The following NTM variants were observed in gnomAD, a reference collection of about 807,000 sequenced individuals.
NTM encodes the protein IgLON family member 2.
In NTM, 13 loss-of-function variants were observed where a neutral mutation model predicts 42.1. That is an observed-to-expected ratio of 0.31 (90% CI 0.20 to 0.49). The LOEUF is 0.49. Among genes scored for constraint, NTM ranks in the 20% least tolerant of loss-of-function variants. The pLI is 0.99. For synonymous variants in NTM, 187 were observed against 179.2 expected, an observed-to-expected ratio of 1.04 and a Z score of -0.35; for missense variants, 373 against 452.8, an observed-to-expected ratio of 0.82 and a Z score of 1.60.
At chr11:132,114,775 A>G (rs1184720844) in intron 2 of NTM, among the ~76,000 whole-genome samples, 2 of 152,218 alleles carry the variant, frequency 1.3e-5, no homozygotes, top group Non-Finnish European at 2.9e-5. Context: ...TCCAGGTCAC[A>G]CAGTATCACG....
chr11:131,560,257 T>C (rs1184624129), intron 1 of NTM, among the ~76,000 whole-genome samples: 1 of 152,170 alleles, frequency 6.6e-6, no homozygotes, highest in Non-Finnish European at 1.5e-5. Flanking sequence ...TTTTCCAGCT[T>C]TCTACATGGA....
At chr11:131,938,628 A>G (rs914819850) in intron 2 of NTM, among the ~76,000 whole-genome samples, 8 of 152,192 alleles carry the variant, frequency 5.3e-5, no homozygotes, top group Non-Finnish European at 8.8e-5. Flanking sequence ...TGGCTAGTCT[A>G]TGTATGATGC....
chr11:131,520,535 A>T (rs942551283), intron 1 of NTM, among the ~76,000 whole-genome samples: 4 of 152,252 alleles, frequency 2.6e-5, no homozygotes, highest in Middle Eastern at 3.4e-3. Flanking sequence ...ATAGCCACGC[A>T]ATTTGATTTA....
At chr11:131,990,284 C>G (rs1369532583) in intron 2 of NTM, among the ~76,000 whole-genome samples, 6 of 152,076 alleles carry the variant, frequency 3.9e-5, no homozygotes, top group Admixed American at 2.6e-4. Context: ...TGTGGCCATG[C>G]TGCATATGTA....
rs370303812 is a variant in NTM at position 131,641,593 on chromosome 11, G to T, written c.83-269971G>T. On this transcript the variant is annotated intron_variant, in intron 1 of 8. Transcript: ENST00000683400. ...TGTCAGCCTGCCTGCCATTTCCAAG[G>T]GGGGGAAGCTATGGGTTGCCAACCT... is the stretch of plus-strand genomic sequence containing the variant. 5.3e-5 allele frequency among the ~76,000 whole-genome samples: 8 copies of T among 152,130 alleles called. 1 individual carries two copies. The highest frequency in any genetic ancestry group is 3.3e-4 in the Admixed American group (5 of 15,282).
chr11:132,156,958 C>T (rs2073323353), intron 3 of NTM, among the ~76,000 whole-genome samples: 1 of 152,200 alleles, frequency 6.6e-6, no homozygotes, highest in Non-Finnish European at 1.5e-5. Flanking sequence ...TGCTGACCCT[C>T]AGGGTTACAG....
chr11:132,120,805 A>G (rs752101083), intron 2 of NTM, among the ~76,000 whole-genome samples: 3 of 152,096 alleles, frequency 2.0e-5, no homozygotes, highest in Non-Finnish European at 4.4e-5. Context: ...AATCTACTGT[A>G]CAGTTTATTT....
intron 1 of NTM, among the ~76,000 whole-genome samples, chr11:131,401,838 A>ATATGTGTG (rs1565465615): frequency 9.7e-5 from 9 of 93,048 alleles, no homozygotes; most frequent in African/African-American, 3.4e-4. Flanking sequence ...ATATATATAT[A>ATATGTGTG]TATATATATA....
At chr11:131,500,622 A>G (rs188836172) in intron 1 of NTM, among the ~76,000 whole-genome samples, 14 of 145,338 alleles carry the variant, frequency 9.6e-5, no homozygotes, top group African/African-American at 3.5e-4. Flanking sequence ...TCTAGGGTAC[A>G]TGGGCACAAC....
At chr11:131,570,127 A>G (rs2057312593) in intron 1 of NTM, among the ~76,000 whole-genome samples, 1 of 152,190 alleles carries the variant, frequency 6.6e-6, no homozygotes. Flanking sequence ...TAAGACTTCT[A>G]AGTCTGTGCT....
chr11:131,809,573 T>G (rs2092654559), intron 1 of NTM, among the ~76,000 whole-genome samples: 1 of 152,184 alleles, frequency 6.6e-6, no homozygotes, highest in Non-Finnish European at 1.5e-5. Flanking sequence ...GAACACAGGT[T>G]TCTGGATTCC....
At chr11:131,442,621 G>A (rs1460965438) in intron 1 of NTM, among the ~76,000 whole-genome samples, 1 of 151,874 alleles carries the variant, frequency 6.6e-6, no homozygotes, top group Non-Finnish European at 1.5e-5. Context: ...CTGTCTTTAT[G>A]TCCATGTGTA....
At chr11:132,073,204 G>A (rs1358016401) in intron 2 of NTM, among the ~76,000 whole-genome samples, 4 of 152,026 alleles carry the variant, frequency 2.6e-5, no homozygotes, top group Non-Finnish European at 4.4e-5. Context: ...GCCAAAATGG[G>A]GACTTTTCTA....
At chr11:131,832,726 G>A (rs562127689) in intron 1 of NTM, among the ~76,000 whole-genome samples, 93 of 152,250 alleles carry the variant, frequency 6.1e-4, no homozygotes, top group Non-Finnish European at 1.1e-3. Flanking sequence ...GAAAATAATA[G>A]TAACTCCTTC....
At chr11:131,770,707 T>C (rs1461016288) in intron 1 of NTM, 1 of 152,192 alleles carries the variant, frequency 6.6e-6, no homozygotes, top group Admixed American at 6.5e-5. Flanking sequence ...AAGTCTTCCA[T>C]TGTTTTTTTC....
intron 1 of NTM, among the ~76,000 whole-genome samples, chr11:131,503,982 G>A (rs1361728868): frequency 6.6e-6 from 1 of 152,132 alleles, no homozygotes; most frequent in Non-Finnish European, 1.5e-5. Context: ...AGGCCAGGCG[G>A]GTCAGAGCAT....
chr11:132,281,433 T>G (rs1367967807), intron 4 of NTM, among the ~76,000 whole-genome samples: 1 of 152,214 alleles, frequency 6.6e-6, no homozygotes, highest in Non-Finnish European at 1.5e-5. Context: ...TACAAGTATA[T>G]GCATATACGT....
intron 1 of NTM, among the ~76,000 whole-genome samples, chr11:131,377,646 T>C (rs1471010085): frequency 6.6e-6 from 1 of 152,242 alleles, no homozygotes; most frequent in African/African-American, 2.4e-5. Context: ...ATTTCTTTGT[T>C]TTCTTCTGAT....
At chr11:132,301,169 G>A (rs1269151718) in intron 4 of NTM, among the ~76,000 whole-genome samples, 2 of 152,168 alleles carry the variant, frequency 1.3e-5, no homozygotes, top group Admixed American at 6.6e-5. Context: ...GGCAGAAGGG[G>A]AAATAAACAC....
Sources: gnomAD v4.1 joint callset for allele counts (sites outside exome capture counted in the v4.1 genomes callset) on GRCh38, gnomAD v4.1.1 for gene constraint, MANE v1.5 for transcripts, NCBI Gene and HGNC (gene_info 2026-07-23, HGNC 2026-07-21) for gene names.